Variants in TMEM232 observed in about 807,000 individuals in gnomAD.
TMEM232 encodes transmembrane protein 232.
In TMEM232, 80 loss-of-function variants were observed where a neutral mutation model predicts 78.8. The ratio of observed to expected loss-of-function variants is 1.01; its 90% confidence interval spans 0.85 to 1.22. The LOEUF (loss-of-function observed/expected upper bound fraction) is 1.22, where lower values mean the gene tolerates loss of function less well. TMEM232 is among the 50% of genes most tolerant of loss of function. The pLI is 0.00. For missense variants in TMEM232, 881 were observed against 742.2 expected, an observed-to-expected ratio of 1.19 and a Z score of -2.17; for synonymous variants, 297 against 254.3, an observed-to-expected ratio of 1.17 and a Z score of -1.60.
intron 12 of TMEM232, among the ~76,000 whole-genome samples, chr5:110,486,662 C>A (rs1764496854): frequency 6.6e-6 from 1 of 152,060 alleles, no homozygotes; most frequent in Non-Finnish European, 1.5e-5. Flanking sequence ...CTATTCTGTT[C>A]CATTGGTCTA....
At chr5:110,584,787 CAA>C (rs1490476587) in intron 10 of TMEM232, among the ~76,000 whole-genome samples, 1 of 151,952 alleles carries the variant, frequency 6.6e-6, no homozygotes, top group African/African-American at 2.4e-5. Context: ...ACTACTGTAA[CAA>C]AGAAATTTAC....
rs368313767 is a variant in TMEM232, at chr5:110,526,588, C to A, written c.1703+2000G>T. 7.2e-5 allele frequency among the ~76,000 whole-genome samples: 11 copies of A among 152,028 alleles called. No individual in the cohort carries two copies. In the East Asian group the frequency reaches 2.1e-3, roughly 29 times the overall value. ...TGGGAAGACTAAAGAAAAACAGGCA[C>A]TCATATATTACTGGTGAGGATATAA... On this transcript the variant is annotated intron_variant, in intron 12 of 13. Coordinates refer to ENST00000455884, the MANE Select transcript of TMEM232 (RefSeq NM_001039763.4).
intron 2 of TMEM232, among the ~76,000 whole-genome samples, chr5:110,402,932 C>T (rs538416400): frequency 6.6e-6 from 1 of 152,192 alleles, no homozygotes; most frequent in East Asian, 1.9e-4. Context: ...CAAATGACCA[C>T]TACAGAAGCT....
At chr5:110,618,305 T>G in intron 8 of TMEM232, 124 bp downstream of exon 8, 2 of 1,228,992 alleles carry the variant, frequency 1.6e-6, no homozygotes, top group Non-Finnish European at 2.2e-6. Flanking sequence ...CCTTTGGAAC[T>G]GAGATTATAA....
chr5:110,536,983 A>G (rs73783620), intron 11 of TMEM232, among the ~76,000 whole-genome samples: 5,896 of 151,342 alleles, frequency 0.039, 173 homozygotes, highest in African/African-American at 0.082. Context: ...CACCCATCTA[A>G]CTAACGTCAG....
In TMEM232 at chr5:110,426,786, T is replaced by C. The variant is rs545728715; in HGVS notation, c.1704-1870A>G. On this transcript the variant is annotated intron_variant, in intron 12 of 13. Transcript: ENST00000455884. ...GCTGGGGACATGTAGAGGCTGACAA[T>C]TGGTTTAACTAAATTCATTCAGTGA... 4.4e-3 allele frequency among the ~76,000 whole-genome samples: 663 copies of C among 152,082 alleles called. 3 individuals are homozygous for C. The highest frequency in any genetic ancestry group is 6.3e-3 in the Non-Finnish European group (427 of 67,932).
At chr5:110,594,181 C>T (rs899155100) in intron 10 of TMEM232, among the ~76,000 whole-genome samples, 12 of 151,748 alleles carry the variant, frequency 7.9e-5, no homozygotes. Context: ...TGGGGCATTG[C>T]CTCACCCGGG....
At position 110,493,118 on chromosome 5, in the gene TMEM232, G is replaced by C. The variant is rs142599034; in HGVS notation, c.1703+35470C>G. 6.8e-3 allele frequency among the ~76,000 whole-genome samples: 1,027 copies of C among 151,836 alleles called. 19 individuals carry two copies. Among genetic ancestry groups the C allele is most frequent in the African/African-American group, 0.023 (951 of 41,462 alleles). On this transcript the variant is annotated intron_variant, in intron 12 of 13. Coordinates refer to ENST00000455884, the MANE Select transcript of TMEM232 (RefSeq NM_001039763.4). ...AACACCCATACAAGAAAAAAAATTA[G>C]AATTAAATCCCCCCAGCATAAGCTA...
chr5:110,444,457 G>T (rs1401904789), intron 12 of TMEM232, among the ~76,000 whole-genome samples: 1 of 152,166 alleles, frequency 6.6e-6, no homozygotes, highest in Non-Finnish European at 1.5e-5. Context: ...AAGGGATGCT[G>T]TCAGCAATTC....
At chr5:110,644,128 T>C (rs1021688279) in intron 2 of TMEM232, among the ~76,000 whole-genome samples, 6 of 151,934 alleles carry the variant, frequency 3.9e-5, no homozygotes, top group African/African-American at 1.4e-4. Context: ...TCTGTGATAA[T>C]TGGGCATTTT....
downstream of TMEM232, among the ~76,000 whole-genome samples, chr5:110,418,730 C>CAGAGA (rs1469420700): frequency 3.3e-5 from 5 of 152,054 alleles, no homozygotes; most frequent in African/African-American, 1.2e-4. Context: ...CTAATCAGAG[C>CAGAGA]AAACATAAAC....
chr5:110,642,641 T>G (rs1192477208), intron 2 of TMEM232, among the ~76,000 whole-genome samples: 1 of 152,064 alleles, frequency 6.6e-6, no homozygotes, highest in Non-Finnish European at 1.5e-5. Flanking sequence ...CTAGAAGTCT[T>G]GTTGGTATAA....
chr5:110,636,946 C>T (rs6868082), intron 5 of TMEM232, among the ~76,000 whole-genome samples: 11,211 of 151,814 alleles, frequency 0.074, 486 homozygotes, highest in Admixed American at 0.12. Flanking sequence ...TATTTTGTAG[C>T]TATTTTTTTC....
chr5:110,623,149 G>T (rs1783992294), intron 7 of TMEM232, among the ~76,000 whole-genome samples: 1 of 151,360 alleles, frequency 6.6e-6, no homozygotes, highest in African/African-American at 2.5e-5. Context: ...CCTGTGTCTG[G>T]ATCACTTAAA....
chr5:110,683,425 T>G (rs185175065), intron 1 of TMEM232, among the ~76,000 whole-genome samples: 81 of 151,482 alleles, frequency 5.3e-4, no homozygotes, highest in African/African-American at 1.7e-3. Flanking sequence ...AATATATATA[T>G]AGAGAGAGAG....
intron 3 of TMEM232, among the ~76,000 whole-genome samples, chr5:110,393,802 C>A (rs535850854): frequency 6.6e-6 from 1 of 151,548 alleles, no homozygotes; most frequent in Non-Finnish European, 1.5e-5. Context: ...ACTAAAAATA[C>A]AAAAATTAGC....
chr5:110,727,288 T>C (rs1278411767), upstream of TMEM232, among the ~76,000 whole-genome samples: 2 of 152,188 alleles, frequency 1.3e-5, no homozygotes, highest in Admixed American at 1.3e-4. Context: ...AAATACTATA[T>C]GGAAGAATGG....
chr5:110,497,840 T>C (rs938050594), intron 12 of TMEM232, among the ~76,000 whole-genome samples: 4 of 152,088 alleles, frequency 2.6e-5, no homozygotes, highest in African/African-American at 7.2e-5. Flanking sequence ...ATTTAAGTGA[T>C]TGGATGAGGC....
chr5:110,667,420 A>G, intron 1 of TMEM232, 56 bp from the exon 2 acceptor site: 18 of 1,304,000 alleles, frequency 1.4e-5, no homozygotes, highest in Non-Finnish European at 1.7e-5. Flanking sequence ...GTATCAAACA[A>G]CATGTTATGC....
Sources: allele counts gnomAD v4.1 joint callset (sites outside exome capture counted in the v4.1 genomes callset), GRCh38; gene constraint gnomAD v4.1.1; transcripts MANE v1.5; gene names NCBI Gene and HGNC (gene_info 2026-07-23, HGNC 2026-07-21).